Variants in GALP observed in about 807,000 individuals in gnomAD.
GALP encodes galanin-like peptide.
A neutral mutation model predicts 15.2 loss-of-function variants in GALP; 12 were observed. That is an observed-to-expected ratio of 0.79 (90% CI 0.51 to 1.28). The LOEUF (loss-of-function observed/expected upper bound fraction) is 1.28, where lower values mean the gene tolerates loss of function less well. Ranked by LOEUF, GALP falls within the 50% of genes most tolerant of loss-of-function variation. The probability of loss-of-function intolerance (pLI) is 0.00; values close to 1 mark genes in which losing one functional copy is unlikely to be tolerated. For missense variants in GALP, 161 were observed against 145.6 expected, an observed-to-expected ratio of 1.11 and a Z score of -0.55; for synonymous variants, 58 against 55.1, an observed-to-expected ratio of 1.05 and a Z score of -0.23.
intron 2 of GALP, 62 bp downstream of exon 2, chr19:56,177,257 A>G: frequency 7.3e-7 from 1 of 1,367,700 alleles, no homozygotes; most frequent in Non-Finnish European, 1.0e-6. Flanking sequence ...CTCTGGGAAG[A>G]GTTTTTAAAA....
chr19:56,180,072 C>T (rs1035642126), intron 2 of GALP, among the ~76,000 whole-genome samples: 16 of 152,120 alleles, frequency 1.1e-4, no homozygotes, highest in African/African-American at 3.6e-4. Flanking sequence ...CCACCACGCC[C>T]GGCCTAATTT....
chr19:56,184,069 C>T (rs1482900621), intron 5 of GALP, among the ~76,000 whole-genome samples: 1 of 151,882 alleles, frequency 6.6e-6, no homozygotes, highest in Non-Finnish European at 1.5e-5. Flanking sequence ...GATTCTCCTG[C>T]CTCAGCCTTC....
At chr19:56,180,309 T>G (rs1380587320) in intron 2 of GALP, among the ~76,000 whole-genome samples, 1 of 152,206 alleles carries the variant, frequency 6.6e-6, no homozygotes, top group Non-Finnish European at 1.5e-5. Context: ...TAACTGAAAT[T>G]ATACCTGTTG....
rs1042376434 is a variant in GALP, at chr19:56,179,560, C to T, written c.88-1026C>T. Among the ~76,000 whole-genome samples the T allele has an allele frequency of 7.3e-5, 11 of 151,430 alleles. 1 individual carries two copies. Among genetic ancestry groups the T allele is most frequent in the South Asian group, 4.2e-4 (2 of 4,802 alleles). ...GTCTCGATCTCCTGACCTCGTGATCCGCCAGCCTTGGCCAAGAGCCTCTTT... is the reference window on the plus strand; with the variant it reads ...GTCTCGATCTCCTGACCTCGTGATCTGCCAGCCTTGGCCAAGAGCCTCTTT... On this transcript the variant is annotated intron_variant, in intron 2 of 5. Coordinates refer to ENST00000357330, the MANE Select transcript of GALP (RefSeq NM_033106.4).
chr19:56,185,406 T>C lies in GALP; in HGVS notation c.*136T>C, dbSNP rs1056706827. On this transcript the variant is annotated 3_prime_UTR_variant, in exon 6 of 6. Transcript: ENST00000357330. ...GTCTCATGAAGACATTGTAAAGCAT[T>C]TGAATTATTCTAAAAAATTTCTGGA... 1.5e-5 allele frequency: 8 copies of C among 525,338 alleles called. No homozygotes were observed. The highest frequency in any genetic ancestry group is 4.0e-5 in the African/African-American group (2 of 50,230). The allele number at this position is 525,338 out of a possible 1,614,324, so 32.5% of individuals were successfully genotyped here. A position where few individuals can be genotyped will look rare whatever the true frequency, so the allele number is the denominator to read the frequency against.
intron 3 of GALP, among the ~76,000 whole-genome samples, chr19:56,181,692 G>C (rs762492136): frequency 1.3e-5 from 2 of 152,188 alleles, no homozygotes; most frequent in Non-Finnish European, 2.9e-5. Flanking sequence ...ATAGGCGTGA[G>C]CCACTGCTCC....
At chr19:56,183,830 TCAG>T (rs1177919548) in intron 5 of GALP, among the ~76,000 whole-genome samples, 1 of 151,806 alleles carries the variant, frequency 6.6e-6, no homozygotes, top group East Asian at 1.9e-4. Context: ...ACTCCTGACT[TCAG>T]GTAATCCACC....
chr19:56,180,727 A>G (rs1367652276), intron 3 of GALP, 93 bp downstream of exon 3: 2 of 948,300 alleles, frequency 2.1e-6, no homozygotes, highest in East Asian at 4.9e-5. Flanking sequence ...ACCCTCACCC[A>G]CATTCACTGA....
intron 2 of GALP, among the ~76,000 whole-genome samples, chr19:56,178,685 G>A (rs2032509879): frequency 6.6e-6 from 1 of 152,128 alleles, no homozygotes; most frequent in Non-Finnish European, 1.5e-5. Flanking sequence ...CCATCCTATA[G>A]GGATGTTCGA....
chr19:56,177,855 C>T (rs1220577066), intron 2 of GALP, among the ~76,000 whole-genome samples: 1 of 152,132 alleles, frequency 6.6e-6, no homozygotes, highest in Non-Finnish European at 1.5e-5. Context: ...GGATGGCAGG[C>T]AGCTCTCATT....
chr19:56,177,115 C>T lies in GALP; in HGVS notation c.7C>T (p.Pro3Ser). The T allele has an allele frequency of 6.2e-7, 1 of 1,613,020 alleles. No individual in the cohort carries two copies. The highest frequency in any genetic ancestry group is 8.5e-7 in the Non-Finnish European group (1 of 1,179,642). MA[P>S]PSVPLVLLLV... ...ACCTGTCGTCCTGCCTTCGATGGCTCCTCCCTCCGTCCCCCTGGTCCTCCT... is the reference window on the plus strand; with the variant it reads ...ACCTGTCGTCCTGCCTTCGATGGCTTCTCCCTCCGTCCCCCTGGTCCTCCT... Residue 3 changes from proline (P) to serine (S), a missense_variant, in exon 2 of 6, where the codon CCT becomes TCT. Transcript: ENST00000357330.
At chr19:56,182,293 C>T (rs1413197814) in intron 4 of GALP, 41 bp downstream of exon 4, 4 of 1,460,330 alleles carry the variant, frequency 2.7e-6, no homozygotes, top group Admixed American at 3.4e-5. Context: ...CTGCGTCCTC[C>T]CCTGCGGGCT....
At chr19:56,177,912 A>G (rs1351039901) in intron 2 of GALP, among the ~76,000 whole-genome samples, 1 of 152,194 alleles carries the variant, frequency 6.6e-6, no homozygotes, top group African/African-American at 2.4e-5. Context: ...GTCCAGGGAT[A>G]CACAGTTTCA....
rs1334013592 is a variant in GALP, at chr19:56,182,243, A to G, written c.208A>G (p.Lys70Glu). The change falls in exon 4 of 6, where the codon AAG becomes GAG. Residue 70 changes from lysine to glutamate, a missense_variant. Lys to Glu is a moderately conservative substitution (Grantham distance 56, BLOSUM62 1). Transcript: ENST00000357330. Reference protein sequence around the residue: ...ETALEILDLWKAIDGLPYSHP... With the variant: ...ETALEILDLWEAIDGLPYSHP... Reference sequence around the variant, plus strand: ...AGCCCTTGAGATCCTAGACCTGTGGAAGGCCATCGGTGAGTGAGCGGGGAG... The same window carrying G: ...AGCCCTTGAGATCCTAGACCTGTGGGAGGCCATCGGTGAGTGAGCGGGGAG... 8.7e-6 allele frequency: 14 copies of G among 1,613,050 alleles called. No individual in the cohort carries two copies. Among genetic ancestry groups the G allele is most frequent in the Non-Finnish European group, 1.1e-5 (13 of 1,179,172 alleles).
At chr19:56,176,542 G>A (rs1199879221) in intron 1 of GALP, among the ~76,000 whole-genome samples, 2 of 125,410 alleles carry the variant, frequency 1.6e-5, no homozygotes, top group South Asian at 5.4e-4. Flanking sequence ...GGGCAGAGGG[G>A]CGGATGCCAG....
intron 5 of GALP, among the ~76,000 whole-genome samples, chr19:56,184,794 C>T (rs1174087916): frequency 9.2e-5 from 14 of 152,020 alleles, no homozygotes; most frequent in Non-Finnish European, 4.4e-5. Flanking sequence ...CTTCTTCAAT[C>T]CTAACTCAAT....
At chr19:56,179,166 G>C (rs575702017) in intron 2 of GALP, among the ~76,000 whole-genome samples, 1 of 152,140 alleles carries the variant, frequency 6.6e-6, no homozygotes, top group Non-Finnish European at 1.5e-5. Context: ...GGCAGAGTGA[G>C]ACGCGAGACT....
intron 2 of GALP, among the ~76,000 whole-genome samples, chr19:56,179,734 C>T (rs1282946562): frequency 6.6e-6 from 1 of 151,502 alleles, no homozygotes; most frequent in Non-Finnish European, 1.5e-5. Context: ...GCCTCAAACT[C>T]CTGGGCTAAA....
intron 4 of GALP, among the ~76,000 whole-genome samples, chr19:56,182,642 T>C (rs2032586109): frequency 6.6e-6 from 1 of 152,158 alleles, no homozygotes; most frequent in Admixed American, 6.5e-5. Context: ...ATGGTTTGGC[T>C]GGGCATGGTG....
Sources: allele counts gnomAD v4.1 joint callset (sites outside exome capture counted in the v4.1 genomes callset), GRCh38; gene constraint gnomAD v4.1.1; transcripts MANE v1.5; gene names NCBI Gene and HGNC (gene_info 2026-07-23, HGNC 2026-07-21).